SLC16A1: variants seen among roughly 807,000 people sequenced by gnomAD.
SLC16A1 encodes solute carrier family 16 member 1.
In SLC16A1, 11 loss-of-function variants were observed where a neutral mutation model predicts 32.2. The observed-to-expected ratio is 0.34, with a 90% confidence interval of 0.21 to 0.56. The LOEUF (loss-of-function observed/expected upper bound fraction) is 0.56. SLC16A1 is among the 20% of genes least tolerant of loss of function. SLC16A1 has a pLI of 0.87. For missense variants in SLC16A1, 435 were observed against 615.0 expected, an observed-to-expected ratio of 0.71 and a Z score of 3.10; for synonymous variants, 231 against 226.8, an observed-to-expected ratio of 1.02 and a Z score of -0.17.
rs752237118 is a variant in SLC16A1 at position 112,913,982 on chromosome 1, G to C, written c.1412C>G (p.Ala471Gly). ...TTTGGTAACTTCATTTGGCTTCCCAGCAACATCTATACTGGTCTCTTCCTC... is the reference window on the plus strand; with the variant it reads ...TTTGGTAACTTCATTTGGCTTCCCACCAACATCTATACTGGTCTCTTCCTC... Reference protein sequence around the residue: ...SKEEETSIDVAGKPNEVTKAA... With the variant: ...SKEEETSIDVGGKPNEVTKAA... Residue 471 changes from alanine to glycine, a missense_variant, in exon 5 of 5, where the codon GCT becomes GGT. Physicochemically the swap from Ala to Gly is moderately conservative, Grantham distance 60 (BLOSUM62 0). Around this residue, in one of 2 missense-constraint regions of SLC16A1, gnomAD observed 111 missense variants for 114.7 expected, o/e 0.97. Transcript: ENST00000369626. The C allele has an allele frequency of 6.8e-6, 11 of 1,614,124 alleles. No individual in the cohort carries two copies. The highest frequency in any genetic ancestry group is 6.8e-6 in the Non-Finnish European group (8 of 1,180,002).
intron 1 of SLC16A1, among the ~76,000 whole-genome samples, chr1:112,943,704 C>T (rs749347433): frequency 4.7e-5 from 7 of 148,918 alleles, no homozygotes; most frequent in Admixed American, 2.0e-4. Context: ...AGGAGAATCA[C>T]TTGAACTCAG....
At chr1:112,943,491 TTAAAA>T (rs1649582188) in intron 1 of SLC16A1, among the ~76,000 whole-genome samples, 1 of 152,164 alleles carries the variant, frequency 6.6e-6, no homozygotes, top group Admixed American at 6.5e-5. Context: ...GTTTTTGCAA[TTAAAA>T]TTGCAAACCG....
Position 112,917,365 on chromosome 1 carries a change from T to A in SLC16A1, c.1041A>T (p.Ala347=). ...ATCCAACATAGGTAGTGGATAAAGG[T>A]GCTAGCATATGACACACTCCATTTG... ...VVANGVCHML[A]PLSTTYVGFC... Residue 347 remains alanine, a synonymous_variant, in exon 4 of 5, where the codon GCA becomes GCT. Coordinates refer to ENST00000369626, the MANE Select transcript of SLC16A1 (RefSeq NM_003051.4). The surrounding 1 kb of genome is among the most constrained non-coding windows in gnomAD (Gnocchi z 4.1). 6.2e-7 allele frequency: 1 copy of A among 1,614,052 alleles called. No individual in the cohort carries two copies. The highest frequency in any genetic ancestry group is 8.5e-7 in the Non-Finnish European group (1 of 1,180,022).
chr1:112,916,580 G>A (rs1648520002), intron 4 of SLC16A1, among the ~76,000 whole-genome samples: 1 of 150,082 alleles, frequency 6.7e-6, no homozygotes, highest in Non-Finnish European at 1.5e-5. Context: ...TTTAAAGATT[G>A]GGTTGTTTTT....
chr1:112,950,015 G>A (rs1011448695), intron 1 of SLC16A1, among the ~76,000 whole-genome samples: 2 of 152,192 alleles, frequency 1.3e-5, no homozygotes, highest in Admixed American at 6.5e-5. Flanking sequence ...TATAACAGCT[G>A]CATTATGGTA....
intron 2 of SLC16A1, chr1:112,924,329 C>A: frequency 7.5e-7 from 1 of 1,336,826 alleles, no homozygotes; most frequent in Non-Finnish European, 1.1e-6. Context: ...ACGAATGTCC[C>A]AACTACTTCC....
intron 2 of SLC16A1, 58 bp downstream of exon 2, chr1:112,929,034 T>A: frequency 3.4e-6 from 4 of 1,184,900 alleles, no homozygotes; most frequent in African/African-American, 1.5e-5. Flanking sequence ...AGTTACCTAA[T>A]ACAGACACTC....
intron 4 of SLC16A1, among the ~76,000 whole-genome samples, chr1:112,915,956 G>T (rs1012585400): frequency 2.6e-5 from 4 of 152,130 alleles, no homozygotes; most frequent in African/African-American, 9.7e-5. Context: ...TTCAGGAATA[G>T]TTCCCAAGTT....
chr1:112,915,806 G>A (rs946758838), intron 4 of SLC16A1, among the ~76,000 whole-genome samples: 4 of 152,086 alleles, frequency 2.6e-5, no homozygotes, highest in African/African-American at 7.2e-5. Flanking sequence ...GGCAGCTATG[G>A]ATCTTCTGTT....
intron 4 of SLC16A1, among the ~76,000 whole-genome samples, chr1:112,914,928 A>G (rs758540143): frequency 2.2e-4 from 33 of 152,210 alleles, no homozygotes; most frequent in Non-Finnish European, 3.8e-4. Flanking sequence ...ATGTTTACAA[A>G]TTTTATTTTG....
Position 112,956,094 on chromosome 1 carries a change from T to C in SLC16A1, c.-104A>G. On this transcript the variant is annotated 5_prime_UTR_variant, in exon 1 of 5. Coordinates refer to ENST00000369626, the MANE Select transcript of SLC16A1 (RefSeq NM_003051.4). ...CGTGACGTGGTGGCGCAGGCTGGAG[T>C]TCCACGGGGCCCAGGGTCCGGCTCC... 6.6e-6 allele frequency: 1 copy of C among 152,070 alleles called. No individual in the cohort carries two copies. Among genetic ancestry groups the C allele is most frequent in the South Asian group, 2.1e-4 (1 of 4,816 alleles). The allele number at this position is 152,070 out of a possible 1,614,324, so 9.4% of individuals were successfully genotyped here.
intron 1 of SLC16A1, among the ~76,000 whole-genome samples, chr1:112,954,529 T>C (rs574951611): frequency 6.6e-6 from 1 of 152,332 alleles, no homozygotes; most frequent in African/African-American, 2.4e-5. Context: ...TGTAAACTAG[T>C]GAAATACTAA....
chr1:112,929,014 T>C, intron 2 of SLC16A1, 78 bp downstream of exon 2: 1 of 1,027,470 alleles, frequency 9.7e-7, no homozygotes, highest in Non-Finnish European at 1.4e-6. Flanking sequence ...AGACTTTTTT[T>C]TTTTTTTAAA....
chr1:112,937,196 A>G (rs1337411819), intron 1 of SLC16A1, among the ~76,000 whole-genome samples: 1 of 152,210 alleles, frequency 6.6e-6, no homozygotes, highest in East Asian at 1.9e-4. Context: ...TAACACATCA[A>G]GCTCTGACTA....
intron 3 of SLC16A1, 21 bp downstream of exon 3, chr1:112,921,969 A>G (rs760465889): frequency 1.2e-6 from 2 of 1,613,590 alleles, no homozygotes; most frequent in South Asian, 2.2e-5. Flanking sequence ...AATGCTTCCA[A>G]ATGAATCAGT....
rs753033038 is a variant in SLC16A1 at position 112,917,151 on chromosome 1, C to T, written c.1228+27G>A. The T allele has an allele frequency of 5.0e-6, 8 of 1,613,798 alleles. No homozygotes were observed. The African/African-American group carries it at 9.3e-5, about 19-fold the overall frequency. ...CTTACATGCTTGTTTTGTAATAGACCCACATTAGTAGGGAGATATACTATA... is the reference window on the plus strand; with the variant it reads ...CTTACATGCTTGTTTTGTAATAGACTCACATTAGTAGGGAGATATACTATA... On this transcript the variant is annotated intron_variant, in intron 4 of 4. Coordinates refer to ENST00000369626, the MANE Select transcript of SLC16A1 (RefSeq NM_003051.4). This position sits in a 1 kb window ranked among gnomAD's most constrained non-coding sequence, Gnocchi z 4.1.
chr1:112,948,474 ATT>A (rs200924945), intron 1 of SLC16A1, among the ~76,000 whole-genome samples: 1 of 150,980 alleles, frequency 6.6e-6, no homozygotes, highest in East Asian at 1.9e-4. Context: ...TATACAATAT[ATT>A]TTTTTTTAGA....
At chr1:112,926,648 C>T (rs966061339) in intron 2 of SLC16A1, among the ~76,000 whole-genome samples, 2 of 152,040 alleles carry the variant, frequency 1.3e-5, no homozygotes, top group African/African-American at 2.4e-5. Flanking sequence ...CCAAGGTGGG[C>T]AGATTGTTTG....
At chr1:112,929,051 C>T in intron 2 of SLC16A1, 41 bp downstream of exon 2, 2 of 1,431,608 alleles carry the variant, frequency 1.4e-6, no homozygotes, top group African/African-American at 2.8e-5. Context: ...ACTCTGGCTG[C>T]TTCATGAAAA....
Sources: gnomAD v4.1 joint callset for allele counts (sites outside exome capture counted in the v4.1 genomes callset) on GRCh38, gnomAD v4.1.1 for gene constraint, gnomAD v4.1.1 regional missense constraint, Gnocchi (gnomAD v3.1) non-coding constraint, MANE v1.5 for transcripts, NCBI Gene and HGNC (gene_info 2026-07-23, HGNC 2026-07-21) for gene names.